Variants in DDX6 observed in about 807,000 individuals in gnomAD.
DDX6 encodes the protein probable ATP-dependent RNA helicase DDX6.
In DDX6, 7 loss-of-function variants were observed where a neutral mutation model predicts 60.6. The observed-to-expected ratio is 0.12, with a 90% confidence interval of 0.07 to 0.22. The LOEUF (loss-of-function observed/expected upper bound fraction) is 0.22, where lower values mean the gene tolerates loss of function less well. Among genes scored for constraint, DDX6 ranks in the 10% least tolerant of loss-of-function variants. DDX6 has a pLI of 1.00. For missense variants in DDX6, 270 were observed against 589.9 expected (o/e 0.46, Z 5.62); for synonymous variants, 207 against 201.0 (o/e 1.03, Z -0.25).
At chr11:118,773,913 A>G (rs1811775079) in intron 4 of DDX6, among the ~76,000 whole-genome samples, 1 of 152,164 alleles carries the variant, frequency 6.6e-6, no homozygotes, top group Non-Finnish European at 1.5e-5. Flanking sequence ...AGTTTTTAGG[A>G]AATATTTTTT....
chr11:118,790,648 C>G (rs1286078392), intron 1 of DDX6, among the ~76,000 whole-genome samples: 2 of 152,178 alleles, frequency 1.3e-5, no homozygotes, highest in Non-Finnish European at 2.9e-5. Context: ...ACTCCGAGTA[C>G]TTAGCCTGTT....
rs1001434342 is a variant in DDX6 at position 118,786,318 on chromosome 11, A to G, written c.-67T>C. 30 of 1,377,884 alleles carry G rather than the reference A, an allele frequency of 2.2e-5. No individual in the cohort carries two copies. The highest frequency in any genetic ancestry group is 2.8e-5 in the Non-Finnish European group (28 of 1,001,578). 85.4% of individuals were successfully genotyped at this position (1,377,884 alleles called of 1,614,324 possible). ...GAAAGTCAGTAGAGAAACTGTAATA[A>G]CAGTTTATTAGGCTCTCCAAAATGA... On this transcript the variant is annotated 5_prime_UTR_variant, in exon 2 of 14. Coordinates refer to ENST00000534980, the MANE Select transcript of DDX6 (RefSeq NM_004397.6).
upstream of DDX6, chr11:118,791,221 C>G (rs1348334633): frequency 6.6e-6 from 1 of 152,394 alleles, no homozygotes; most frequent in South Asian, 2.1e-4. Flanking sequence ...CTTTCCCTGC[C>G]TCTCCGCATG....
In DDX6 at chr11:118,750,933, C is replaced by T. The variant is rs545235572; in HGVS notation, c.*1172G>A. Reference sequence around the variant, plus strand: ...GGGTACCATAGAAATCTGCTCTCTACAGCACGAGGCCAAAGTACTTTCTAG... The same window carrying T: ...GGGTACCATAGAAATCTGCTCTCTATAGCACGAGGCCAAAGTACTTTCTAG... On this transcript the variant is annotated 3_prime_UTR_variant, in exon 14 of 14. Coordinates refer to ENST00000534980, the MANE Select transcript of DDX6 (RefSeq NM_004397.6). 3.3e-5 allele frequency: 5 copies of T among 152,450 alleles called. No individual in the cohort carries two copies. Among genetic ancestry groups the T allele is most frequent in the African/African-American group, 9.7e-5 (4 of 41,448 alleles). The allele number at this position is 152,450 out of a possible 1,614,324, so 9.4% of individuals were successfully genotyped here.
Position 118,751,954 on chromosome 11 carries a change from C to T in DDX6, c.*151G>A. 1 of 400,810 alleles carries T rather than the reference C, an allele frequency of 2.5e-6. No individual in the cohort carries two copies. Among genetic ancestry groups the T allele is most frequent in the Non-Finnish European group, 4.9e-6 (1 of 205,254 alleles). 24.8% of individuals were successfully genotyped at this position (400,810 alleles called of 1,614,324 possible). A position where few individuals can be genotyped will look rare whatever the true frequency, so the allele number is the denominator to read the frequency against. ...TCCTTCTTTTCAGCCTTTTTCTCTT[C>T]ACCAGTTAAAAAAAGAAAATGTCTG... On this transcript the variant is annotated 3_prime_UTR_variant, in exon 14 of 14. Coordinates refer to ENST00000534980, the MANE Select transcript of DDX6 (RefSeq NM_004397.6).
In DDX6 at chr11:118,758,904, TG is replaced by T. The variant is rs200755405; in HGVS notation, c.865-3del. 27 of 1,607,968 alleles carry T rather than the reference TG, an allele frequency of 1.7e-5. No homozygotes were observed. The highest frequency in any genetic ancestry group is 3.3e-5 in the South Asian group (3 of 90,536). On this transcript the variant is annotated splice_region_variant and splice_polypyrimidine_tract_variant and intron_variant, in intron 8 of 13. Coordinates refer to ENST00000534980, the MANE Select transcript of DDX6 (RefSeq NM_004397.6). ...ATAGGGTTTCTGCAAATGGGAATTCTGGGGGGGGAGCGGGAAAAAGATGAGT... is the reference window on the plus strand; with the variant it reads ...ATAGGGTTTCTGCAAATGGGAATTCTGGGGGGGAGCGGGAAAAAGATGAGT...
chr11:118,755,729 TA>T (rs1374372421), intron 11 of DDX6, among the ~76,000 whole-genome samples: 2 of 152,100 alleles, frequency 1.3e-5, no homozygotes, highest in African/African-American at 4.8e-5. Flanking sequence ...AAAATGTGTC[TA>T]AAAGAGGCTG....
chr11:118,761,861 G>GA (rs11296874), intron 7 of DDX6, among the ~76,000 whole-genome samples: 2,046 of 134,000 alleles, frequency 0.015, 29 homozygotes, highest in Middle Eastern at 0.043. Context: ...AAATTAAATG[G>GA]AAAAAAAAAA....
chr11:118,787,192 C>G (rs1388890776), intron 1 of DDX6: 3 of 152,196 alleles, frequency 2.0e-5, no homozygotes, highest in African/African-American at 7.2e-5. Context: ...AAAATTTAGG[C>G]CGGGTGCAGT....
In DDX6 at chr11:118,786,386, G is replaced by A; in HGVS notation, c.-135C>T. On this transcript the variant is annotated 5_prime_UTR_variant, in exon 2 of 14. Transcript: ENST00000534980. ...TTGCTCAATAAATGAGTCCTTTATT[G>A]CAATGCAGGCAAGCACCTGTAAGTC... The A allele has an allele frequency of 3.1e-6, 2 of 644,934 alleles. No individual in the cohort carries two copies. The highest frequency in any genetic ancestry group is 2.9e-5 in the East Asian group (1 of 34,034). The allele number at this position is 644,934 out of a possible 1,614,324, so 40.0% of individuals were successfully genotyped here. A position where few individuals can be genotyped will look rare whatever the true frequency, so the allele number is the denominator to read the frequency against.
Position 118,786,099 on chromosome 11 carries a change from G to A in DDX6, c.153C>T (p.Ile51=). ...GTGCTTGCTGCTGAGTGCCATTATT[G>A]ATTGTGTTGGTGTTTTTCAGCTGGT... ...QMNQLKNTNT[I]NNGTQQQAQS... The change falls in exon 2 of 14, where the codon ATC becomes ATT. Residue 51 remains isoleucine, a synonymous_variant. Coordinates refer to ENST00000534980, the MANE Select transcript of DDX6 (RefSeq NM_004397.6). The A allele has an allele frequency of 6.2e-7, 1 of 1,613,942 alleles. No individual in the cohort carries two copies.
rs386375042 is a variant in DDX6, at chr11:118,749,358, GAAAAAAA to G, written c.*2740_*2746del. On this transcript the variant is annotated 3_prime_UTR_variant, in exon 14 of 14. Coordinates refer to ENST00000534980, the MANE Select transcript of DDX6 (RefSeq NM_004397.6). ...TTATTATGAGGGCCCAAAAAAGAAAGAAAAAAAAAAAAAAAAAAAAAAAGACCAGGCT... is the reference window on the plus strand; with the variant it reads ...TTATTATGAGGGCCCAAAAAAGAAAGAAAAAAAAAAAAAAAAGACCAGGCT... The G allele has an allele frequency of 1.0e-3, 95 of 91,790 alleles. 1 individual carries two copies. Among genetic ancestry groups the G allele is most frequent in the Admixed American group, 1.8e-3 (13 of 7,160 alleles). The allele number at this position is 91,790 out of a possible 1,614,324, so 5.7% of individuals were successfully genotyped here. A position where few individuals can be genotyped will look rare whatever the true frequency, so the allele number is the denominator to read the frequency against.
chr11:118,754,997 C>T lies in DDX6; in HGVS notation c.1277-110G>A. 6 of 983,766 alleles carry T rather than the reference C, an allele frequency of 6.1e-6. No homozygotes were observed. In the South Asian group the frequency reaches 7.1e-5, roughly 12 times the overall value. 60.9% of individuals were successfully genotyped at this position (983,766 alleles called of 1,614,324 possible). On this transcript the variant is annotated intron_variant, in intron 12 of 13. Coordinates refer to ENST00000534980, the MANE Select transcript of DDX6 (RefSeq NM_004397.6). ...ACAGGATTGATAATGATGTTCAGTG[C>T]CATTCTTAGTATGCAAAACAACTTC...
chr11:118,767,010 T>C (rs1555161385), intron 5 of DDX6, among the ~76,000 whole-genome samples: 2 of 151,914 alleles, frequency 1.3e-5, no homozygotes, highest in East Asian at 1.9e-4. Context: ...CTCAGCCTCC[T>C]TGAGTAGCTG....
In DDX6 at chr11:118,766,935, G is replaced by C. The variant is rs550271649; in HGVS notation, c.499+1288C>G. On this transcript the variant is annotated intron_variant, in intron 5 of 13. Coordinates refer to ENST00000534980, the MANE Select transcript of DDX6 (RefSeq NM_004397.6). Reference sequence around the variant, plus strand: ...AGATCTCGCTCTGTTACCCAGGCTGGAGTGCAGTGACATGATCTTGGCTGA... The same window carrying C: ...AGATCTCGCTCTGTTACCCAGGCTGCAGTGCAGTGACATGATCTTGGCTGA... 2.9e-4 allele frequency among the ~76,000 whole-genome samples: 43 copies of C among 149,818 alleles called. 1 individual carries two copies. The highest frequency in any genetic ancestry group is 1.0e-3 in the African/African-American group (41 of 40,532).
At chr11:118,758,655 G>GT in intron 9 of DDX6, 119 bp downstream of exon 9, 2 of 1,262,668 alleles carry the variant, frequency 1.6e-6, no homozygotes, top group Non-Finnish European at 2.1e-6. Flanking sequence ...ATGAGCCACC[G>GT]TGCCAAGCCA....
In DDX6 at chr11:118,755,466, A is replaced by G; in HGVS notation, c.1212T>C (p.Asn404=). The change falls in exon 12 of 14, where the codon AAT becomes AAC. Residue 404 remains asparagine (N), a synonymous_variant. Transcript: ENST00000534980. ...FTRGIDIQAV[N]VVINFDFPKL... is the part of the protein sequence containing the mutation. ...TTGGGAAATCAAAGTTTATTACCAC[A>G]TTCACAGCTTGTATATCAATACCTC... The G allele has an allele frequency of 2.5e-6, 4 of 1,608,792 alleles. No homozygotes were observed. Among genetic ancestry groups the G allele is most frequent in the Non-Finnish European group, 3.4e-6 (4 of 1,175,702 alleles).
At position 118,750,049 on chromosome 11, in the gene DDX6, G is replaced by C; in HGVS notation, c.*2056C>G. Reference sequence around the variant, plus strand: ...CAAATAGTTTGCTCAGAAGTAGGCAGAGTCAAAAAAGCAACTTCAAGTAAT... The same window carrying C: ...CAAATAGTTTGCTCAGAAGTAGGCACAGTCAAAAAAGCAACTTCAAGTAAT... On this transcript the variant is annotated 3_prime_UTR_variant, in exon 14 of 14. Transcript: ENST00000534980. 6.6e-6 allele frequency: 1 copy of C among 152,522 alleles called. No individual in the cohort carries two copies. The highest frequency in any genetic ancestry group is 1.9e-4 in the East Asian group (1 of 5,192). The allele number at this position is 152,522 out of a possible 1,614,324, so 9.4% of individuals were successfully genotyped here. A position where few individuals can be genotyped will look rare whatever the true frequency, so the allele number is the denominator to read the frequency against.
At chr11:118,791,245 C>T (rs1565584798), upstream of DDX6, 1 of 152,238 alleles carries the variant, frequency 6.6e-6, no homozygotes, top group African/African-American at 2.4e-5. Context: ...GCGACCGCGG[C>T]TCCTCCTCCA....
Sources: gnomAD v4.1 joint callset for allele counts (sites outside exome capture counted in the v4.1 genomes callset) on GRCh38, gnomAD v4.1.1 for gene constraint, MANE v1.5 for transcripts, NCBI Gene and HGNC (gene_info 2026-07-23, HGNC 2026-07-21) for gene names.